MMP16: variants seen among roughly 807,000 people sequenced by gnomAD.
The protein encoded by MMP16 is matrix metallopeptidase 16.
A neutral mutation model predicts 67.8 loss-of-function variants in MMP16; 12 were observed. That is an observed-to-expected ratio of 0.18 (90% CI 0.11 to 0.29). The LOEUF is 0.29. Among genes scored for constraint, MMP16 ranks in the 10% least tolerant of loss-of-function variants. The probability of loss-of-function intolerance (pLI) is 1.00; values close to 1 mark genes in which losing one functional copy is unlikely to be tolerated. For missense variants in MMP16, 475 were observed against 765.7 expected (o/e 0.62, Z 4.48); for synonymous variants, 249 against 255.9 (o/e 0.97, Z 0.26).
At chr8:88,229,542 G>A (rs993368494) in intron 1 of MMP16, among the ~76,000 whole-genome samples, 2 of 151,988 alleles carry the variant, frequency 1.3e-5, no homozygotes, top group Admixed American at 6.6e-5. Context: ...GAAATAGTTC[G>A]TTTTGTTTAA....
chr8:88,299,762 A>G (rs1419553083), intron 1 of MMP16, among the ~76,000 whole-genome samples: 1 of 152,202 alleles, frequency 6.6e-6, no homozygotes, highest in Non-Finnish European at 1.5e-5. Context: ...TCTTATCTGC[A>G]AAATCATTCT....
chr8:88,303,708 A>G (rs1026043533), intron 1 of MMP16, among the ~76,000 whole-genome samples: 6 of 152,236 alleles, frequency 3.9e-5, no homozygotes, highest in Non-Finnish European at 8.8e-5. Context: ...ACCCCCAGCA[A>G]ACTGCAGCAG....
intron 1 of MMP16, among the ~76,000 whole-genome samples, chr8:88,326,247 C>T (rs1811535559): frequency 6.6e-6 from 1 of 152,166 alleles, no homozygotes; most frequent in African/African-American, 2.4e-5. Context: ...GGCTTCAGTG[C>T]TGACTTGATG....
At chr8:88,212,847 C>T (rs13261169) in intron 1 of MMP16, among the ~76,000 whole-genome samples, 25,020 of 152,012 alleles carry the variant, frequency 0.16, 2,199 homozygotes, top group South Asian at 0.19. Context: ...CACATATCTA[C>T]GTATTATGTG....
At chr8:88,212,856 T>G (rs1000893356) in intron 1 of MMP16, among the ~76,000 whole-genome samples, 1 of 152,188 alleles carries the variant, frequency 6.6e-6, no homozygotes, top group Admixed American at 6.5e-5. Context: ...ACGTATTATG[T>G]GTGCAACATG....
At chr8:88,054,887 T>C (rs1808312130) in intron 8 of MMP16, among the ~76,000 whole-genome samples, 1 of 152,068 alleles carries the variant, frequency 6.6e-6, no homozygotes, top group African/African-American at 2.4e-5. Flanking sequence ...GCTAAGATAA[T>C]ATGGCAAACT....
rs201974196 is a variant in MMP16 at position 88,095,187 on chromosome 8, T to TA, written c.1084-20445dup. On this transcript the variant is annotated intron_variant, in intron 6 of 9. Coordinates refer to ENST00000286614, the MANE Select transcript of MMP16 (RefSeq NM_005941.5). Reference sequence around the variant, plus strand: ...TAATTTGCTAAAAGACTTTTTTTTTTAAACCATCTATCAATGTTGCCTTGA... The same window carrying TA: ...TAATTTGCTAAAAGACTTTTTTTTTTAAAACCATCTATCAATGTTGCCTTGA... Among the ~76,000 whole-genome samples the TA allele has an allele frequency of 7.8e-3, 1,179 of 151,880 alleles. 25 individuals are homozygous for TA. Among genetic ancestry groups the TA allele is most frequent in the African/African-American group, 0.027 (1,105 of 41,480 alleles).
At chr8:88,174,017 G>A (rs578236390) in intron 3 of MMP16, among the ~76,000 whole-genome samples, 2 of 152,182 alleles carry the variant, frequency 1.3e-5, no homozygotes, top group African/African-American at 2.4e-5. Flanking sequence ...TGGGTTTAGA[G>A]AGAATAATGA....
At chr8:88,115,079 A>C (rs2118424395) in intron 6 of MMP16, among the ~76,000 whole-genome samples, 1 of 152,138 alleles carries the variant, frequency 6.6e-6, no homozygotes, top group Non-Finnish European at 1.5e-5. Context: ...AATAATGAAA[A>C]AATAATGTAC....
intron 6 of MMP16, among the ~76,000 whole-genome samples, chr8:88,088,084 A>ATATATC (rs1808871562): frequency 2.1e-4 from 24 of 113,762 alleles, no homozygotes; most frequent in Non-Finnish European, 3.7e-4. Context: ...CTATATATCT[A>ATATATC]TATATAATAG....
At chr8:88,177,519 C>T (rs890580299) in intron 3 of MMP16, among the ~76,000 whole-genome samples, 1 of 152,086 alleles carries the variant, frequency 6.6e-6, no homozygotes, top group African/African-American at 2.4e-5. Context: ...CTACACTTTA[C>T]GTGTTTTACC....
chr8:88,165,508 C>A (rs1484303322), intron 4 of MMP16, among the ~76,000 whole-genome samples: 1 of 151,892 alleles, frequency 6.6e-6, no homozygotes, highest in Non-Finnish European at 1.5e-5. Context: ...TAAAATTCTA[C>A]CATTATAAGT....
intron 6 of MMP16, among the ~76,000 whole-genome samples, chr8:88,089,778 G>C (rs902266489): frequency 6.6e-6 from 1 of 151,864 alleles, no homozygotes; most frequent in East Asian, 1.9e-4. Flanking sequence ...GAGTTAGGTA[G>C]AGAAGTAAAT....
At chr8:88,085,822 T>G (rs996219480) in intron 6 of MMP16, among the ~76,000 whole-genome samples, 1 of 152,058 alleles carries the variant, frequency 6.6e-6, no homozygotes, top group Non-Finnish European at 1.5e-5. Context: ...TTAACATTTA[T>G]AGTCTAAAAA....
At chr8:88,143,582 C>A (rs530782849) in intron 4 of MMP16, among the ~76,000 whole-genome samples, 4 of 151,950 alleles carry the variant, frequency 2.6e-5, no homozygotes, top group African/African-American at 9.6e-5. Context: ...AGGAAACGTG[C>A]TATATATCTT....
chr8:88,326,425 T>C (rs1811538110), intron 1 of MMP16, among the ~76,000 whole-genome samples: 1 of 152,082 alleles, frequency 6.6e-6, no homozygotes, highest in Admixed American at 6.5e-5. Context: ...CTCAAAACTA[T>C]TACATTGGGC....
chr8:88,274,776 TATAAA>T (rs1216476731), intron 1 of MMP16, among the ~76,000 whole-genome samples: 3 of 152,020 alleles, frequency 2.0e-5, no homozygotes, highest in Non-Finnish European at 4.4e-5. Context: ...AAGGTGATTT[TATAAA>T]ATAATATCAA....
At chr8:88,258,197 T>C (rs539228271) in intron 1 of MMP16, among the ~76,000 whole-genome samples, 1 of 152,292 alleles carries the variant, frequency 6.6e-6, no homozygotes, top group Non-Finnish European at 1.5e-5. Flanking sequence ...TTCTTTTCCC[T>C]CCTGATTGCT....
At chr8:88,302,929 C>T (rs1323717664) in intron 1 of MMP16, among the ~76,000 whole-genome samples, 2 of 152,198 alleles carry the variant, frequency 1.3e-5, no homozygotes, top group African/African-American at 2.4e-5. Context: ...GGAACTCCCA[C>T]CCCCAGCCAA....
Sources: gnomAD v4.1 joint callset for allele counts (sites outside exome capture counted in the v4.1 genomes callset) on GRCh38, gnomAD v4.1.1 for gene constraint, MANE v1.5 for transcripts, NCBI Gene and HGNC (gene_info 2026-07-23, HGNC 2026-07-21) for gene names.